The following PDE2A variants were observed in gnomAD, a reference collection of about 807,000 sequenced individuals.
PDE2A encodes the protein cGMP-dependent 3',5'-cyclic phosphodiesterase.
PDE2A carries 53 observed loss-of-function variants against 133.6 expected under a neutral mutation model. That is an observed-to-expected ratio of 0.40 (90% CI 0.32 to 0.50). PDE2A has a LOEUF of 0.50. Ranked by LOEUF, PDE2A falls within the 20% of genes least tolerant of loss-of-function variation. PDE2A has a pLI of 0.73. For missense variants in PDE2A, 796 were observed against 1,232.4 expected (o/e 0.65, Z 5.30); for synonymous variants, 491 against 490.2 (o/e 1.00, Z -0.02).
In PDE2A at chr11:72,642,318, T is replaced by C. The variant is rs750822854; in HGVS notation, c.80A>G (p.Gln27Arg). The C allele has an allele frequency of 3.9e-6, 6 of 1,539,558 alleles. No homozygotes were observed. Among genetic ancestry groups the C allele is most frequent in the African/African-American group, 2.8e-5 (2 of 70,318 alleles). Reference protein sequence around the residue: ...PAARPAEPRGQQVFLKPDEPP... With the variant: ...PAARPAEPRGRQVFLKPDEPP... ...CTCGTCCGGCTTGAGGAAGACCTGC[T>C]GGCCCCGCCTGAGGAATTGGACAAC... The change falls in exon 2 of 31, where the codon CAG becomes CGG. Residue 27 changes from glutamine (Q) to arginine (R), a missense_variant. This residue lies in a region of PDE2A where 417 missense variants were observed against 475.3 expected (regional missense o/e 0.88). Transcript: ENST00000334456.
At chr11:72,584,170 C>A (rs775674150) in intron 19 of PDE2A, 31 bp downstream of exon 19, 47 of 872,672 alleles carry the variant, frequency 5.4e-5, no homozygotes, top group Non-Finnish European at 8.2e-5. Flanking sequence ...CCCCCTATCA[C>A]CCCACACCCC....
chr11:72,598,349 C>T (rs1434592474), intron 4 of PDE2A, among the ~76,000 whole-genome samples: 1 of 152,070 alleles, frequency 6.6e-6, no homozygotes, highest in Non-Finnish European at 1.5e-5. Context: ...GAGCTTTGAA[C>T]AGGGGGCAGG....
At position 72,627,074 on chromosome 11, in the gene PDE2A, C is replaced by T. The variant is rs144813165; in HGVS notation, c.144+15180G>A. ...ATCCTTCAAAGTTCTAAGGTTGCCT[C>T]CTCCAAGTCTCCAAGACCGCCCAAC... is the stretch of plus-strand genomic sequence containing the variant. On this transcript the variant is annotated intron_variant, in intron 2 of 30. Coordinates refer to ENST00000334456, the MANE Select transcript of PDE2A (RefSeq NM_002599.5). Among the ~76,000 whole-genome samples, 6 of 152,322 alleles carry T rather than the reference C, an allele frequency of 3.9e-5. No homozygotes were observed. The East Asian group carries it at 1.2e-3, about 29-fold the overall frequency.
intron 2 of PDE2A, among the ~76,000 whole-genome samples, chr11:72,615,542 C>T (rs1771181229): frequency 6.6e-6 from 1 of 152,142 alleles, no homozygotes; most frequent in Non-Finnish European, 1.5e-5. Flanking sequence ...GGGAGGATGG[C>T]CCTGCAAGGC....
intron 1 of PDE2A, among the ~76,000 whole-genome samples, chr11:72,663,981 C>T (rs562549744): frequency 6.6e-6 from 1 of 152,178 alleles, no homozygotes; most frequent in Non-Finnish European, 1.5e-5. Flanking sequence ...GGCTCCCTTG[C>T]CCCCTGGCAT....
intron 1 of PDE2A, among the ~76,000 whole-genome samples, chr11:72,648,509 G>C (rs1859189367): frequency 6.6e-6 from 1 of 152,142 alleles, no homozygotes; most frequent in African/African-American, 2.4e-5. Flanking sequence ...CTCAGGCCCA[G>C]GGGATGGGGG....
intron 2 of PDE2A, among the ~76,000 whole-genome samples, chr11:72,620,781 G>T (rs1158285845): frequency 6.6e-6 from 1 of 151,986 alleles, no homozygotes; most frequent in East Asian, 1.9e-4. Flanking sequence ...GGCTGACAGT[G>T]GTAAGGACGG....
In PDE2A at chr11:72,578,388, T is replaced by A. The variant is rs754095643; in HGVS notation, c.2509-49A>T. The A allele has an allele frequency of 7.6e-6, 12 of 1,577,364 alleles. No homozygotes were observed. Among genetic ancestry groups the A allele is most frequent in the Non-Finnish European group, 1.0e-5 (12 of 1,146,586 alleles). ...CTGTCCCTCTCATTCCTCCATCGGGTACCAGGGTCAGGCTAGTTCAAGCCC... is the reference window on the plus strand; with the variant it reads ...CTGTCCCTCTCATTCCTCCATCGGGAACCAGGGTCAGGCTAGTTCAAGCCC... On this transcript the variant is annotated intron_variant, in intron 29 of 30. Transcript: ENST00000334456. This position sits in a 1 kb window ranked among gnomAD's most constrained non-coding sequence, Gnocchi z 4.2.
At chr11:72,585,229 A>T in intron 16 of PDE2A, 142 bp downstream of exon 16, 1 of 745,668 alleles carries the variant, frequency 1.3e-6, no homozygotes, top group Non-Finnish European at 2.3e-6. Context: ...CGAGGGAGAC[A>T]GGCATGAAAT....
chr11:72,595,884 C>G (rs1194477736), intron 6 of PDE2A, among the ~76,000 whole-genome samples: 3 of 152,136 alleles, frequency 2.0e-5, no homozygotes, highest in Non-Finnish European at 4.4e-5. Context: ...AGCAGAAACC[C>G]TGGGAACTCC....
chr11:72,618,020 G>A (rs1269992695), intron 2 of PDE2A, among the ~76,000 whole-genome samples: 1 of 152,176 alleles, frequency 6.6e-6, no homozygotes, highest in East Asian at 1.9e-4. Context: ...CTCTCTCCCA[G>A]CGCAGTGCTT....
In PDE2A at chr11:72,605,218, G is replaced by A; in HGVS notation, c.243C>T (p.Val81=). 1 of 1,605,932 alleles carries A rather than the reference G, an allele frequency of 6.2e-7. No homozygotes were observed. Among genetic ancestry groups the A allele is most frequent in the Middle Eastern group, 1.7e-4 (1 of 6,044 alleles). Residue 81 remains valine, a synonymous_variant, in exon 4 of 31, where the codon GTC becomes GTT. Coordinates refer to ENST00000334456, the MANE Select transcript of PDE2A (RefSeq NM_002599.5). ...LSAVLPRVET[V]YTYLLDGESQ... Reference sequence around the variant, plus strand: ...ACTCACCATCCAGTAGGTAGGTGTAGACAGTTTCCTAGGACAGAAGGCACT... The same window carrying A: ...ACTCACCATCCAGTAGGTAGGTGTAAACAGTTTCCTAGGACAGAAGGCACT...
In PDE2A at chr11:72,590,437, G is replaced by T; in HGVS notation, c.693C>A (p.Leu231=). The change falls in exon 8 of 31, where the codon CTC becomes CTA. Residue 231 remains leucine (L), a synonymous_variant. Coordinates refer to ENST00000334456, the MANE Select transcript of PDE2A (RefSeq NM_002599.5). This position sits in a 1 kb window ranked among gnomAD's most constrained non-coding sequence, Gnocchi z 4.8. ...AAYTDRDRKI[L]QLCGELYDLD... ...AGGCCGGGCCCTCACCGCACAGTTG[G>T]AGGATCTTGCGGTCGCGGTCGGTGT... is the stretch of plus-strand genomic sequence containing the variant. 1 of 1,560,472 alleles carries T rather than the reference G, an allele frequency of 6.4e-7. No homozygotes were observed.
chr11:72,630,313 G>A (rs1858310705), intron 2 of PDE2A, among the ~76,000 whole-genome samples: 2 of 152,144 alleles, frequency 1.3e-5, no homozygotes, highest in South Asian at 2.1e-4. Flanking sequence ...GGAGAAAACA[G>A]GGTGCTCGTG....
intron 2 of PDE2A, among the ~76,000 whole-genome samples, chr11:72,642,001 C>T (rs1858971683): frequency 6.6e-6 from 1 of 152,228 alleles, no homozygotes; most frequent in African/African-American, 2.4e-5. Flanking sequence ...CACTGCGGTC[C>T]CACCGTGGAC....
chr11:72,669,863 AG>A (rs1479607998), intron 1 of PDE2A, among the ~76,000 whole-genome samples: 1 of 152,132 alleles, frequency 6.6e-6, no homozygotes, highest in Non-Finnish European at 1.5e-5. Context: ...CCCTTTCTCA[AG>A]CAAGGCTGGG....
intron 2 of PDE2A, 102 bp downstream of exon 2, chr11:72,642,152 G>A (rs1327664587): frequency 1.5e-6 from 2 of 1,329,434 alleles, no homozygotes; most frequent in East Asian, 3.1e-5. Flanking sequence ...CAGAACTAGA[G>A]GAGGGGTCTC....
At chr11:72,615,936 C>A (rs141326207) in intron 2 of PDE2A, among the ~76,000 whole-genome samples, 9 of 152,300 alleles carry the variant, frequency 5.9e-5, no homozygotes, top group African/African-American at 2.2e-4. Flanking sequence ...CACCAGGGAG[C>A]CTGTGCCCTG....
intron 1 of PDE2A, among the ~76,000 whole-genome samples, chr11:72,647,332 A>G (rs796519439): frequency 3.3e-5 from 5 of 152,330 alleles, no homozygotes; most frequent in African/African-American, 1.2e-4. Flanking sequence ...ACCTCAGGCA[A>G]GGCTTTGGCC....
Sources: allele counts gnomAD v4.1 joint callset (sites outside exome capture counted in the v4.1 genomes callset), GRCh38; gene constraint gnomAD v4.1.1; regional missense constraint gnomAD v4.1.1; non-coding constraint Gnocchi (gnomAD v3.1); transcripts MANE v1.5; gene names NCBI Gene and HGNC (gene_info 2026-07-23, HGNC 2026-07-21).